Variants in CAMK4 observed in about 807,000 individuals in gnomAD.
CAMK4 encodes calcium/calmodulin dependent protein kinase IV, also known as calcium/calmodulin-dependent protein kinase type IV.
Under a neutral mutation model 44.9 loss-of-function variants are expected in CAMK4, and 22 were observed. The ratio of observed to expected loss-of-function variants is 0.49; its 90% CI spans 0.35 to 0.70. CAMK4 has a LOEUF of 0.70. Ranked by LOEUF, CAMK4 falls within the 30% of genes least tolerant of loss-of-function variation. The probability of loss-of-function intolerance (pLI) is 0.01; values close to 1 mark genes in which losing one functional copy is unlikely to be tolerated. For missense variants in CAMK4, 498 were observed against 586.8 expected, an observed-to-expected ratio of 0.85 and a Z score of 1.56; for synonymous variants, 218 against 215.4, an observed-to-expected ratio of 1.01 and a Z score of -0.11.
rs1580807427 is a variant in CAMK4 at position 111,478,428 on chromosome 5, T to C, written c.749T>C (p.Met250Thr). The C allele has an allele frequency of 6.3e-7, 1 of 1,576,462 alleles. No homozygotes were observed. Among genetic ancestry groups the C allele is most frequent in the Non-Finnish European group, 8.7e-7 (1 of 1,148,128 alleles). The change falls in exon 9 of 11, where the codon ATG becomes ACG. Residue 250 changes from methionine (M) to threonine (T), a missense_variant. Met to Thr is a moderately conservative substitution (Grantham distance 81). Around this residue, in one of 3 missense-constraint regions of CAMK4, gnomAD observed 203 missense variants for 298.2 expected, o/e 0.68. Transcript: ENST00000282356. ...TATGATGAAAGAGGCGATCAGTTCA[T>C]GTTCAGGAGAATTCTGAATTGTGAA... is the stretch of plus-strand genomic sequence containing the variant. ...PFYDERGDQF[M>T]FRRILNCEYY... is the part of the protein sequence containing the mutation.
At chr5:111,269,149 A>G (rs4957937) in intron 1 of CAMK4, among the ~76,000 whole-genome samples, 40,100 of 151,984 alleles carry the variant, frequency 0.26, 6,255 homozygotes, top group African/African-American at 0.44. Context: ...CATGCCCATC[A>G]TGTACGTATT....
intron 4 of CAMK4, among the ~76,000 whole-genome samples, chr5:111,377,189 ATT>A (rs1751243867): frequency 1.3e-5 from 2 of 152,134 alleles, no homozygotes; most frequent in Admixed American, 1.3e-4. Flanking sequence ...CTTTGCAAAT[ATT>A]TGTCTCCTCA....
intron 1 of CAMK4, chr5:111,277,389 A>T (rs1388677093): frequency 1.3e-5 from 2 of 152,270 alleles, no homozygotes; most frequent in African/African-American, 4.8e-5. Flanking sequence ...AGCATAATAT[A>T]TCACAGAAAC....
chr5:111,350,036 G>C (rs918735890), intron 2 of CAMK4, among the ~76,000 whole-genome samples: 1 of 152,060 alleles, frequency 6.6e-6, no homozygotes, highest in Non-Finnish European at 1.5e-5. Flanking sequence ...GTAGTAGTGG[G>C]GTGATGTTGT....
chr5:111,419,262 A>T (rs1238639113), intron 5 of CAMK4, among the ~76,000 whole-genome samples: 3 of 151,328 alleles, frequency 2.0e-5, no homozygotes, highest in Non-Finnish European at 4.4e-5. Context: ...TGTCTGTTCA[A>T]ATCCTTCGCC....
chr5:111,352,093 C>CAAA (rs1321893519), intron 2 of CAMK4, among the ~76,000 whole-genome samples: 2 of 152,080 alleles, frequency 1.3e-5, no homozygotes, highest in Non-Finnish European at 2.9e-5. Context: ...GGCCCATCTC[C>CAAA]AAATGCTATC....
intron 5 of CAMK4, among the ~76,000 whole-genome samples, chr5:111,425,300 T>G (rs1237495510): frequency 6.6e-6 from 1 of 152,250 alleles, no homozygotes; most frequent in Non-Finnish European, 1.5e-5. Context: ...TGCACATTTG[T>G]GCCAGTTTTG....
intron 5 of CAMK4, among the ~76,000 whole-genome samples, chr5:111,443,316 T>A (rs866017124): frequency 3.9e-4 from 47 of 120,928 alleles, no homozygotes; most frequent in African/African-American, 1.2e-3. Context: ...ACACACACAC[T>A]ATATATATAT....
intron 1 of CAMK4, among the ~76,000 whole-genome samples, chr5:111,333,831 T>A (rs1438848665): frequency 6.6e-6 from 1 of 151,562 alleles, no homozygotes; most frequent in Non-Finnish European, 1.5e-5. Context: ...GTTGCCAATA[T>A]AAGGTCTTGA....
chr5:111,393,208 G>A lies in CAMK4; in HGVS notation c.387-1502G>A, dbSNP rs553044888. 4.4e-4 allele frequency among the ~76,000 whole-genome samples: 67 copies of A among 152,230 alleles called. 1 individual carries two copies. The highest frequency in any genetic ancestry group is 1.6e-3 in the African/African-American group (66 of 41,546). On this transcript the variant is annotated intron_variant, in intron 4 of 10. Coordinates refer to ENST00000282356, the MANE Select transcript of CAMK4 (RefSeq NM_001744.6). ...ATGTAGGCATTGATAATCAATTACT[G>A]TTATTGTCAACATGAAATGGAGCAT...
intron 1 of CAMK4, among the ~76,000 whole-genome samples, chr5:111,266,652 C>T (rs1411664085): frequency 6.6e-6 from 1 of 152,140 alleles, no homozygotes; most frequent in East Asian, 1.9e-4. Flanking sequence ...ACATGCATAC[C>T]CCAGATTGAC....
At chr5:111,435,567 G>T (rs1208154713) in intron 5 of CAMK4, among the ~76,000 whole-genome samples, 1 of 152,096 alleles carries the variant, frequency 6.6e-6, no homozygotes, top group Admixed American at 6.5e-5. Context: ...TGTCTGTAGG[G>T]CCAAGGTCAA....
intron 5 of CAMK4, among the ~76,000 whole-genome samples, chr5:111,446,099 A>C (rs1397495484): frequency 6.6e-6 from 1 of 152,246 alleles, no homozygotes; most frequent in African/African-American, 2.4e-5. Flanking sequence ...TTCATCTCAA[A>C]TACAGCTTTC....
intron 1 of CAMK4, among the ~76,000 whole-genome samples, chr5:111,257,001 C>G (rs113562353): frequency 6.6e-6 from 1 of 152,140 alleles, no homozygotes; most frequent in African/African-American, 2.4e-5. Flanking sequence ...AAAATTAACT[C>G]AAGATGGATT....
At chr5:111,413,001 A>G (rs1007459583) in intron 5 of CAMK4, among the ~76,000 whole-genome samples, 4 of 152,116 alleles carry the variant, frequency 2.6e-5, no homozygotes, top group African/African-American at 9.7e-5. Context: ...AGAAGCAGTA[A>G]TTCTTGTACT....
At chr5:111,315,677 A>G (rs1297517943) in intron 1 of CAMK4, among the ~76,000 whole-genome samples, 1 of 152,032 alleles carries the variant, frequency 6.6e-6, no homozygotes, top group East Asian at 1.9e-4. Context: ...TAATTCTTTT[A>G]CCCCAATGTG....
At position 111,295,877 on chromosome 5, in the gene CAMK4, C is replaced by T. The variant is rs150891949; in HGVS notation, c.162-48147C>T. Among the ~76,000 whole-genome samples the T allele has an allele frequency of 7.6e-4, 115 of 152,274 alleles. 1 individual carries two copies. Among genetic ancestry groups the T allele is most frequent in the African/African-American group, 2.2e-3 (92 of 41,566 alleles). On this transcript the variant is annotated intron_variant, in intron 1 of 10. Transcript: ENST00000282356. ...CAAAAAGTGAGGTTGAAGCATATAA[C>T]AAAAATTGGAGTTTGGGATAATGAG...
intron 2 of CAMK4, 39 bp downstream of exon 2, chr5:111,344,141 C>A: frequency 8.2e-7 from 1 of 1,213,620 alleles, no homozygotes; most frequent in Non-Finnish European, 1.2e-6. Context: ...TCTAAGGGGC[C>A]TGTGACCTGG....
intron 7 of CAMK4, among the ~76,000 whole-genome samples, chr5:111,461,115 G>T (rs1476010140): frequency 6.6e-6 from 1 of 152,138 alleles, no homozygotes; most frequent in Non-Finnish European, 1.5e-5. Flanking sequence ...AGGAAAGAGT[G>T]AGTTAGAACA....
Sources: allele counts gnomAD v4.1 joint callset (sites outside exome capture counted in the v4.1 genomes callset), GRCh38; gene constraint gnomAD v4.1.1; regional missense constraint gnomAD v4.1.1; transcripts MANE v1.5; gene names NCBI Gene and HGNC (gene_info 2026-07-23, HGNC 2026-07-21).